KREMEN1: variants seen among roughly 807,000 people sequenced by gnomAD.
The protein encoded by KREMEN1 is kringle containing transmembrane protein 1.
KREMEN1 carries 30 observed loss-of-function variants against 46.5 expected under a neutral mutation model. The ratio of observed to expected loss-of-function variants is 0.65; its 90% CI spans 0.48 to 0.88. KREMEN1 has a LOEUF of 0.88. KREMEN1 is among the 40% of genes least tolerant of loss of function. The pLI is 0.00. For synonymous variants in KREMEN1, 214 were observed against 230.6 expected (o/e 0.93, Z 0.65); for missense variants, 533 against 596.9 (o/e 0.89, Z 1.11).
In KREMEN1 at chr22:29,144,312, C is replaced by T. The variant is rs2038818708; in HGVS notation, c.*2200C>T. 1 of 985,630 alleles carries T rather than the reference C, an allele frequency of 1.0e-6. No homozygotes were observed. The highest frequency in any genetic ancestry group is 1.7e-5 in the African/African-American group (1 of 57,262). 61.1% of individuals were successfully genotyped at this position (985,630 alleles called of 1,614,324 possible). On this transcript the variant is annotated 3_prime_UTR_variant, in exon 9 of 9. Transcript: ENST00000400335. ...GAAGTGTCTGCAGGGAGAGGTGGCA[C>T]TCGGCAGCCTGAGTTCAGGAGAGGT...
At chr22:29,152,689 C>A (rs1350454420) in intron 9 of KREMEN1, among the ~76,000 whole-genome samples, 1 of 152,008 alleles carries the variant, frequency 6.6e-6, no homozygotes, top group Non-Finnish European at 1.5e-5. Context: ...ACACTGCCTG[C>A]CAAGCACAAC....
chr22:29,143,570 G>GTC lies in KREMEN1; in HGVS notation c.*1462_*1463dup. On this transcript the variant is annotated 3_prime_UTR_variant, in exon 9 of 9. Transcript: ENST00000400335. ...ATCCTGGCTAAGATGGTGAAACCCCGTCTCTACTAAAAATACAAAAAATTA... is the reference window on the plus strand; with the variant it reads ...ATCCTGGCTAAGATGGTGAAACCCCGTCTCTCTACTAAAAATACAAAAAATTA... 5 of 721,626 alleles carry GTC rather than the reference G, an allele frequency of 6.9e-6. No individual in the cohort carries two copies. The highest frequency in any genetic ancestry group is 6.8e-6 in the Non-Finnish European group (4 of 589,150). The allele number at this position is 721,626 out of a possible 1,614,324, so 44.7% of individuals were successfully genotyped here.
chr22:29,163,165 GTGAA>G (rs940691662), intron 9 of KREMEN1, among the ~76,000 whole-genome samples: 5 of 152,188 alleles, frequency 3.3e-5, no homozygotes, highest in African/African-American at 9.6e-5. Flanking sequence ...GTGATAGTGA[GTGAA>G]TGTCGCGAGA....
intron 3 of KREMEN1, among the ~76,000 whole-genome samples, chr22:29,102,227 G>T (rs994572222): frequency 3.9e-5 from 6 of 152,112 alleles, no homozygotes; most frequent in Non-Finnish European, 8.8e-5. Context: ...GAGGCCTCCA[G>T]GGGGAAAGGC....
chr22:29,166,585 G>A (rs2039054293), intron 9 of KREMEN1, among the ~76,000 whole-genome samples: 1 of 152,188 alleles, frequency 6.6e-6, no homozygotes, highest in Admixed American at 6.5e-5. Context: ...AGAAGTTACA[G>A]AAACCCAGCC....
At chr22:29,114,284 G>A (rs1192777691) in intron 3 of KREMEN1, among the ~76,000 whole-genome samples, 1 of 151,978 alleles carries the variant, frequency 6.6e-6, no homozygotes, top group Admixed American at 6.6e-5. Flanking sequence ...AGGAGTTCGA[G>A]ACCAGCCTGG....
intron 9 of KREMEN1, among the ~76,000 whole-genome samples, chr22:29,152,480 T>C (rs972822249): frequency 6.6e-6 from 1 of 151,806 alleles, no homozygotes; most frequent in Non-Finnish European, 1.5e-5. Context: ...ATGTAGGGAG[T>C]CCTCCAGTCT....
chr22:29,144,681 G>A lies in KREMEN1; in HGVS notation c.*2569G>A, dbSNP rs2038824664. On this transcript the variant is annotated 3_prime_UTR_variant, in exon 9 of 9. Transcript: ENST00000400335. ...GAATAGATCCATGTGCAGCACAAAGGGAATGTGGCACGTGGCCCCAGGAAG... is the reference window on the plus strand; with the variant it reads ...GAATAGATCCATGTGCAGCACAAAGAGAATGTGGCACGTGGCCCCAGGAAG... 1.0e-6 allele frequency: 1 copy of A among 985,536 alleles called. No individual in the cohort carries two copies. Among genetic ancestry groups the A allele is most frequent in the South Asian group, 4.7e-5 (1 of 21,296 alleles). The allele number at this position is 985,536 out of a possible 1,614,324, so 61.0% of individuals were successfully genotyped here.
rs147197358 is a variant in KREMEN1, at chr22:29,144,020, C to T, written c.*1908C>T. 2,220 of 985,548 alleles carry T rather than the reference C, an allele frequency of 2.3e-3. 7 individuals carry two copies. Among genetic ancestry groups the T allele is most frequent in the Middle Eastern group, 4.7e-3 (9 of 1,914 alleles). The allele number at this position is 985,548 out of a possible 1,614,324, so 61.1% of individuals were successfully genotyped here. On this transcript the variant is annotated 3_prime_UTR_variant, in exon 9 of 9. Coordinates refer to ENST00000400335, the MANE Select transcript of KREMEN1 (RefSeq NM_001039570.3). ...AAGTGCCATCACTAATTTAAAAGTC[C>T]TTGCCATCTGGAATCAGGCTTTGTC...
chr22:29,139,060 GA>G (rs1430625802), intron 7 of KREMEN1, among the ~76,000 whole-genome samples: 4 of 152,178 alleles, frequency 2.6e-5, no homozygotes, highest in Non-Finnish European at 4.4e-5. Context: ...TTCCCACATT[GA>G]GATTATCTTT....
chr22:29,138,694 G>A lies in KREMEN1; in HGVS notation c.1035G>A (p.Gln345=), dbSNP rs777289436. ...CGGTGGCCGAGGTGATCACGGAGCA[G>A]GCCAACCTCAGTGTCAGCGCTGCCC... ...NQTVAEVITE[Q]ANLSVSAARS... The change falls in exon 7 of 9, where the codon CAG becomes CAA. Residue 345 remains glutamine, a synonymous_variant. Transcript: ENST00000400335. The A allele has an allele frequency of 6.2e-7, 1 of 1,614,216 alleles. No homozygotes were observed. The highest frequency in any genetic ancestry group is 2.2e-5 in the East Asian group (1 of 44,870).
intron 3 of KREMEN1, among the ~76,000 whole-genome samples, chr22:29,115,049 T>G (rs933484730): frequency 5.3e-5 from 8 of 152,174 alleles, no homozygotes; most frequent in African/African-American, 1.2e-4. Context: ...CGTTAAGTGG[T>G]TGAGTCTGCT....
At chr22:29,117,149 C>T (rs901159200) in intron 3 of KREMEN1, among the ~76,000 whole-genome samples, 1 of 150,764 alleles carries the variant, frequency 6.6e-6, no homozygotes, top group Non-Finnish European at 1.5e-5. Context: ...GTGTGTGTGT[C>T]TGTGTGTGTG....
intron 4 of KREMEN1, 39 bp downstream of exon 4, chr22:29,121,520 A>G: frequency 1.9e-6 from 3 of 1,604,882 alleles, no homozygotes; most frequent in Non-Finnish European, 2.6e-6. Context: ...GAAAAATATA[A>G]AGATGTAAAT....
At chr22:29,079,654 T>C (rs1281367524) in intron 1 of KREMEN1, among the ~76,000 whole-genome samples, 1 of 152,230 alleles carries the variant, frequency 6.6e-6, no homozygotes, top group Non-Finnish European at 1.5e-5. Flanking sequence ...CACAAAATTT[T>C]AAAGCTAGGA....
Position 29,145,197 on chromosome 22 carries a change from G to C in KREMEN1, c.*3085G>C, listed in dbSNP as rs1337333261. The C allele has an allele frequency of 2.0e-6, 2 of 985,742 alleles. No homozygotes were observed. The highest frequency in any genetic ancestry group is 1.2e-4 in the Admixed American group (2 of 16,292). The allele number at this position is 985,742 out of a possible 1,614,324, so 61.1% of individuals were successfully genotyped here. On this transcript the variant is annotated 3_prime_UTR_variant, in exon 9 of 9. Coordinates refer to ENST00000400335, the MANE Select transcript of KREMEN1 (RefSeq NM_001039570.3). Reference sequence around the variant, plus strand: ...CCAGAAGAGATGACGTGGGCTTCCAGGAGCATGGAGGAGGTGGCACTTGAA... The same window carrying C: ...CCAGAAGAGATGACGTGGGCTTCCACGAGCATGGAGGAGGTGGCACTTGAA...
chr22:29,153,433 C>T (rs903980776), intron 9 of KREMEN1, among the ~76,000 whole-genome samples: 28 of 152,196 alleles, frequency 1.8e-4, no homozygotes, highest in Non-Finnish European at 3.8e-4. Flanking sequence ...ATTGCAGCCT[C>T]ACTCTCCTGG....
At chr22:29,139,976 A>G (rs1342855723) in intron 7 of KREMEN1, among the ~76,000 whole-genome samples, 1 of 152,202 alleles carries the variant, frequency 6.6e-6, no homozygotes, top group African/African-American at 2.4e-5. Context: ...GTGGTTACAC[A>G]GTGGTCCCAG....
At position 29,138,633 on chromosome 22, in the gene KREMEN1, A is replaced by G. The variant is rs16987136; in HGVS notation, c.974A>G (p.Glu325Gly). Residue 325 changes from glutamate to glycine, a missense_variant, in exon 7 of 9, where the codon GAA (glutamate) becomes GGA (glycine). Coordinates refer to ENST00000400335, the MANE Select transcript of KREMEN1 (RefSeq NM_001039570.3). ...GFAVLYQAVK[E>G]ELPQERPAVN... Reference sequence around the variant, plus strand: ...GCTTTTTCTCTTCCAGCCGTCAAGGAAGAACTGCCACAGGAGAGGCCCGCT... The same window carrying G: ...GCTTTTTCTCTTCCAGCCGTCAAGGGAGAACTGCCACAGGAGAGGCCCGCT... 3,847 of 1,614,204 alleles carry G rather than the reference A, an allele frequency of 2.4e-3. 73 individuals are homozygous for G. The East Asian group carries it at 0.032, about 13-fold the overall frequency.
Sources: allele counts gnomAD v4.1 joint callset (sites outside exome capture counted in the v4.1 genomes callset), GRCh38; gene constraint gnomAD v4.1.1; transcripts MANE v1.5; gene names NCBI Gene and HGNC (gene_info 2026-07-23, HGNC 2026-07-21).